C12orf42: variants seen among roughly 807,000 people sequenced by gnomAD.
The protein encoded by C12orf42 is uncharacterized protein C12orf42.
Under a neutral mutation model 21.6 loss-of-function variants are expected in C12orf42, and 25 were observed. That is an observed-to-expected ratio of 1.16 (90% CI 0.84 to 1.62). The LOEUF is 1.62. Ranked by LOEUF, C12orf42 falls within the 40% of genes most tolerant of loss-of-function variation. C12orf42 has a pLI of 0.00. For missense variants in C12orf42, 483 were observed against 459.3 expected (o/e 1.05, Z -0.47); for synonymous variants, 174 against 175.0 (o/e 0.99, Z 0.05).
intron 4 of C12orf42, among the ~76,000 whole-genome samples, chr12:103,336,105 T>A (rs984018869): frequency 1.3e-5 from 2 of 152,216 alleles, no homozygotes; most frequent in East Asian, 1.9e-4. Context: ...GAATATTATA[T>A]GAGACTACCC....
At chr12:103,117,343 A>G in the C12orf42 span, among the ~76,000 whole-genome samples, 1 of 152,138 alleles carries the variant, frequency 6.6e-6, no homozygotes, top group Non-Finnish European at 1.5e-5. Context: ...AATAGACCCT[A>G]TTATATTCAC....
intron 3 of C12orf42, among the ~76,000 whole-genome samples, chr12:103,397,043 A>T (rs1344675049): frequency 3.3e-5 from 5 of 152,214 alleles, no homozygotes; most frequent in Non-Finnish European, 5.9e-5. Flanking sequence ...ATGGTTCTAA[A>T]CTGGGAGGGA....
At chr12:103,106,755 A>G in the C12orf42 span, among the ~76,000 whole-genome samples, 2 of 152,020 alleles carry the variant, frequency 1.3e-5, no homozygotes, top group African/African-American at 4.8e-5. Context: ...AAATAAAACT[A>G]GAAGTCAAAC....
chr12:103,099,210 G>C, the C12orf42 span, among the ~76,000 whole-genome samples: 550 of 152,270 alleles, frequency 3.6e-3, 2 homozygotes, highest in African/African-American at 0.013. Flanking sequence ...TTAAATAGCT[G>C]ATCATATTTT....
At chr12:103,370,833 CA>C in intron 3 of C12orf42, among the ~76,000 whole-genome samples, 1 of 152,158 alleles carries the variant, frequency 6.6e-6, no homozygotes, top group African/African-American at 2.4e-5. Flanking sequence ...CCCTGTGGTA[CA>C]CAGTTCACCA....
intron 2 of C12orf42, among the ~76,000 whole-genome samples, chr12:103,471,325 A>T (rs558795942): frequency 5.3e-5 from 8 of 152,312 alleles, no homozygotes; most frequent in African/African-American, 1.9e-4. Context: ...AAAATGTCTG[A>T]GATGTTTTCT....
At chr12:103,500,450 G>T (rs1377220425), upstream of C12orf42, among the ~76,000 whole-genome samples, 1 of 152,156 alleles carries the variant, frequency 6.6e-6, no homozygotes, top group Admixed American at 6.5e-5. Flanking sequence ...CCCCTCCTGG[G>T]TAGAAGGCTT....
chr12:103,474,454 A>ATGTGTATGTG (rs71097981), intron 2 of C12orf42, among the ~76,000 whole-genome samples: 2,326 of 149,368 alleles, frequency 0.016, 19 homozygotes, highest in East Asian at 0.028. Context: ...GTATGTATGT[A>ATGTGTATGTG]TGTGTGTGTG....
chr12:103,073,302 C>A, the C12orf42 span, among the ~76,000 whole-genome samples: 1 of 152,018 alleles, frequency 6.6e-6, no homozygotes, highest in Non-Finnish European at 1.5e-5. Context: ...ATGTAACAAA[C>A]CTGCATGTGT....
chr12:103,515,939 G>C, the C12orf42 span, among the ~76,000 whole-genome samples: 1 of 152,214 alleles, frequency 6.6e-6, no homozygotes, highest in East Asian at 1.9e-4. Flanking sequence ...TCTAGCTAAT[G>C]TCATGTGTAA....
At chr12:103,521,587 T>G in the C12orf42 span, among the ~76,000 whole-genome samples, 3 of 152,184 alleles carry the variant, frequency 2.0e-5, no homozygotes, top group African/African-American at 7.2e-5. Context: ...TGGGGCTTAA[T>G]ACCTAGGTGA....
At chr12:103,518,191 G>C in the C12orf42 span, among the ~76,000 whole-genome samples, 1 of 152,216 alleles carries the variant, frequency 6.6e-6, no homozygotes, top group African/African-American at 2.4e-5. Flanking sequence ...TATGGTCAGA[G>C]TTCTTGGTTG....
the C12orf42 span, among the ~76,000 whole-genome samples, chr12:103,180,329 C>G: frequency 6.6e-6 from 1 of 151,998 alleles, no homozygotes; most frequent in Non-Finnish European, 1.5e-5. Context: ...GAAAATGATC[C>G]TTGGGATGGC....
chr12:103,229,251 A>G, the C12orf42 span, among the ~76,000 whole-genome samples: 1 of 152,182 alleles, frequency 6.6e-6, no homozygotes, highest in Non-Finnish European at 1.5e-5. Flanking sequence ...TCCGGTCTTC[A>G]TTTATCAGTT....
At chr12:103,189,516 A>T in the C12orf42 span, among the ~76,000 whole-genome samples, 1 of 152,230 alleles carries the variant, frequency 6.6e-6, no homozygotes, top group South Asian at 2.1e-4. Context: ...ACAAGAAAAG[A>T]ACATTGAAGA....
the C12orf42 span, among the ~76,000 whole-genome samples, chr12:103,525,530 T>C: frequency 6.6e-6 from 1 of 152,178 alleles, no homozygotes. Flanking sequence ...ATGTATAATA[T>C]TAACCCAAGT....
chr12:103,537,212 G>A, the C12orf42 span, among the ~76,000 whole-genome samples: 1 of 152,044 alleles, frequency 6.6e-6, no homozygotes, highest in Non-Finnish European at 1.5e-5. Context: ...GCACAGAAGA[G>A]AAAGAAATAG....
At chr12:103,527,053 T>C in the C12orf42 span, among the ~76,000 whole-genome samples, 1 of 152,168 alleles carries the variant, frequency 6.6e-6, no homozygotes, top group Non-Finnish European at 1.5e-5. Context: ...AATTGACTTC[T>C]GGCAGCCTAT....
At chr12:103,380,466 T>C (rs1045135772) in intron 3 of C12orf42, among the ~76,000 whole-genome samples, 26 of 152,168 alleles carry the variant, frequency 1.7e-4, no homozygotes, top group African/African-American at 6.0e-4. Flanking sequence ...CATTGCTGAA[T>C]ACAAGTAATG....
Sources: allele counts gnomAD v4.1 joint callset (sites outside exome capture counted in the v4.1 genomes callset), GRCh38; gene constraint gnomAD v4.1.1; transcripts MANE v1.5; gene names NCBI Gene and HGNC (gene_info 2026-07-23, HGNC 2026-07-21).